FARS2: variants seen among roughly 807,000 people sequenced by gnomAD.
The protein encoded by FARS2 is phenylalanine--tRNA ligase, mitochondrial.
In FARS2, 40 loss-of-function variants were observed where a neutral mutation model predicts 46.4. The ratio of observed to expected loss-of-function variants is 0.86; its 90% CI spans 0.67 to 1.12. The LOEUF (loss-of-function observed/expected upper bound fraction) is 1.12, where lower values mean the gene tolerates loss of function less well. FARS2 is among the 50% of genes most tolerant of loss of function. The pLI is 0.00. For missense variants in FARS2, 513 were observed against 567.9 expected, an observed-to-expected ratio of 0.90 and a Z score of 0.98; for synonymous variants, 234 against 214.9, an observed-to-expected ratio of 1.09 and a Z score of -0.78.
At chr6:5,263,839 A>G (rs992682736) in intron 1 of FARS2, among the ~76,000 whole-genome samples, 2 of 152,212 alleles carry the variant, frequency 1.3e-5, no homozygotes, top group African/African-American at 4.8e-5. Flanking sequence ...TGTAACAACA[A>G]TTTACTGTCC....
Position 5,545,368 on chromosome 6 carries a change from A to G in FARS2, c.1065+28A>G, listed in dbSNP as rs754179806. ...AAGATGACTTGCAAGAACTGAATAGATAATAATAAAAATGGCTGTCAAGGA... is the reference window on the plus strand; with the variant it reads ...AAGATGACTTGCAAGAACTGAATAGGTAATAATAAAAATGGCTGTCAAGGA... On this transcript the variant is annotated intron_variant, in intron 5 of 6. Transcript: ENST00000274680. 8 of 1,568,354 alleles carry G rather than the reference A, an allele frequency of 5.1e-6. No individual in the cohort carries two copies. In the East Asian group the frequency reaches 1.6e-4, roughly 31 times the overall value.
chr6:5,640,139 GGTGT>G (rs3057207), intron 6 of FARS2, among the ~76,000 whole-genome samples: 10,100 of 149,848 alleles, frequency 0.067, 788 homozygotes, highest in African/African-American at 0.19. Context: ...ACTTTTGTCA[GGTGT>G]GTGTGTGTGT....
At chr6:5,326,010 T>C (rs1770350718) in intron 1 of FARS2, among the ~76,000 whole-genome samples, 1 of 152,222 alleles carries the variant, frequency 6.6e-6, no homozygotes, top group Non-Finnish European at 1.5e-5. Flanking sequence ...CATATATTGT[T>C]AATGGGGGCA....
intron 5 of FARS2, among the ~76,000 whole-genome samples, chr6:5,595,856 G>C (rs1435864448): frequency 6.6e-6 from 1 of 152,198 alleles, no homozygotes; most frequent in Non-Finnish European, 1.5e-5. Context: ...GGGCGATTGA[G>C]GAAACGCCCA....
intron 6 of FARS2, among the ~76,000 whole-genome samples, chr6:5,717,357 G>GTGTT (rs2150912487): frequency 7.1e-6 from 1 of 141,254 alleles, no homozygotes; most frequent in East Asian, 2.0e-4. Context: ...GTATATGTGT[G>GTGTT]TGTGTGTGTG....
chr6:5,506,608 G>T (rs17140654), intron 4 of FARS2, among the ~76,000 whole-genome samples: 1 of 152,100 alleles, frequency 6.6e-6, no homozygotes. Flanking sequence ...GATTCCAGAC[G>T]GGTATCACTC....
chr6:5,268,570 T>G (rs1288715630), intron 1 of FARS2, among the ~76,000 whole-genome samples: 1 of 152,092 alleles, frequency 6.6e-6, no homozygotes, highest in Non-Finnish European at 1.5e-5. Flanking sequence ...TATATCTCTG[T>G]TTTGGTAACA....
At chr6:5,637,167 T>C (rs968800672) in intron 6 of FARS2, among the ~76,000 whole-genome samples, 3 of 152,206 alleles carry the variant, frequency 2.0e-5, no homozygotes, top group African/African-American at 4.8e-5. Flanking sequence ...AACCCAGAGC[T>C]GACAGGGAGC....
chr6:5,350,788 G>T (rs1242795089), intron 1 of FARS2, among the ~76,000 whole-genome samples: 2 of 152,202 alleles, frequency 1.3e-5, no homozygotes. Context: ...ATTGGGTAAA[G>T]AGTCCATGGA....
chr6:5,382,663 G>A (rs6938293), intron 2 of FARS2, among the ~76,000 whole-genome samples: 35,089 of 152,034 alleles, frequency 0.23, 5,191 homozygotes, highest in East Asian at 0.41. Context: ...TCTTGGAATC[G>A]TGGAGATTCC....
intron 6 of FARS2, among the ~76,000 whole-genome samples, chr6:5,737,841 G>A (rs976850614): frequency 9.9e-5 from 15 of 152,216 alleles, no homozygotes; most frequent in African/African-American, 3.1e-4. Flanking sequence ...CATGAAGACC[G>A]TGGCTTGCTT....
Position 5,381,394 on chromosome 6 carries a change from CACACACACACAT to C in FARS2, c.612+12224_612+12235del, listed in dbSNP as rs1294644878. On this transcript the variant is annotated intron_variant, in intron 2 of 6. Coordinates refer to ENST00000274680, the MANE Select transcript of FARS2 (RefSeq NM_006567.5). ...AAACACACACACACACACACACACA[CACACACACACAT>C]ACACACACACACACAGATGCAGAAT... 7.7e-4 allele frequency among the ~76,000 whole-genome samples: 100 copies of C among 130,188 alleles called. 2 individuals are homozygous for C. The South Asian group carries it at 0.011, about 15-fold the overall frequency. 85.4% of individuals were successfully genotyped at this position (130,188 alleles called of 152,430 possible). A position where few individuals can be genotyped will look rare whatever the true frequency, so the allele number is the denominator to read the frequency against.
intron 6 of FARS2, among the ~76,000 whole-genome samples, chr6:5,758,688 A>G (rs1169903933): frequency 6.6e-6 from 1 of 152,210 alleles, no homozygotes; most frequent in African/African-American, 2.4e-5. Context: ...CATATCTTCA[A>G]CAAGTTTCAC....
chr6:5,332,627 A>G (rs1053044293), intron 1 of FARS2, among the ~76,000 whole-genome samples: 2 of 152,252 alleles, frequency 1.3e-5, no homozygotes, highest in South Asian at 4.1e-4. Flanking sequence ...TAACTCAGAG[A>G]ACCTTACTGT....
chr6:5,325,754 A>G (rs1770330955), intron 1 of FARS2, among the ~76,000 whole-genome samples: 1 of 152,230 alleles, frequency 6.6e-6, no homozygotes, highest in South Asian at 2.1e-4. Flanking sequence ...GGAAGCATGA[A>G]AGAGAAATTA....
intron 4 of FARS2, among the ~76,000 whole-genome samples, chr6:5,500,431 C>T (rs1206253348): frequency 6.6e-6 from 1 of 152,176 alleles, no homozygotes; most frequent in Non-Finnish European, 1.5e-5. Context: ...GAAGACACCA[C>T]ATTAGTAAGC....
chr6:5,718,699 C>T (rs1759683397), intron 6 of FARS2, among the ~76,000 whole-genome samples: 1 of 152,126 alleles, frequency 6.6e-6, no homozygotes, highest in African/African-American at 2.4e-5. Context: ...TTCAGTTCTC[C>T]TTGACTGAGT....
At chr6:5,559,815 A>G (rs1020060652) in intron 5 of FARS2, among the ~76,000 whole-genome samples, 10 of 152,158 alleles carry the variant, frequency 6.6e-5, no homozygotes, top group African/African-American at 4.8e-5. Context: ...ATGGAATGCA[A>G]TGAGGAGCTT....
chr6:5,376,937 G>A (rs543655008), intron 2 of FARS2, among the ~76,000 whole-genome samples: 1 of 152,286 alleles, frequency 6.6e-6, no homozygotes, highest in South Asian at 2.1e-4. Context: ...TTTATGATGT[G>A]GAAGGAGGGT....
Sources: allele counts gnomAD v4.1 joint callset (sites outside exome capture counted in the v4.1 genomes callset), GRCh38; gene constraint gnomAD v4.1.1; transcripts MANE v1.5; gene names NCBI Gene and HGNC (gene_info 2026-07-23, HGNC 2026-07-21).